Variants in FHIT observed in about 807,000 individuals in gnomAD.
FHIT encodes bis(5'-adenosyl)-triphosphatase.
FHIT carries 19 observed loss-of-function variants against 17.9 expected under a neutral mutation model. That is an observed-to-expected ratio of 1.06 (90% CI 0.74 to 1.56). The LOEUF is 1.56. Ranked by LOEUF, FHIT falls within the 40% of genes most tolerant of loss-of-function variation. The pLI, the probability that FHIT is intolerant of heterozygous loss-of-function variation, is 0.00. For missense variants in FHIT, 248 were observed against 189.2 expected (o/e 1.31, Z -1.82); for synonymous variants, 81 against 69.7 (o/e 1.16, Z -0.81).
intron 5 of FHIT, among the ~76,000 whole-genome samples, chr3:60,461,882 T>G (rs989585483): frequency 6.6e-6 from 1 of 152,144 alleles, no homozygotes; most frequent in Non-Finnish European, 1.5e-5. Context: ...AGATTGAAAT[T>G]GATTTTAAAA....
At chr3:60,682,413 A>G (rs1344935935) in intron 4 of FHIT, among the ~76,000 whole-genome samples, 5 of 152,214 alleles carry the variant, frequency 3.3e-5, no homozygotes, top group Non-Finnish European at 7.4e-5. Flanking sequence ...CTGCTAACGC[A>G]GCTGGTGACT....
At chr3:59,874,317 C>G (rs934570887) in intron 8 of FHIT, among the ~76,000 whole-genome samples, 3 of 152,152 alleles carry the variant, frequency 2.0e-5, no homozygotes, top group African/African-American at 7.2e-5. Flanking sequence ...TGCCAAGACA[C>G]CTGGTTAAAA....
chr3:60,111,903 C>T (rs1284526856), intron 5 of FHIT, among the ~76,000 whole-genome samples: 1 of 152,200 alleles, frequency 6.6e-6, no homozygotes, highest in Non-Finnish European at 1.5e-5. Context: ...TTGCCTGAAA[C>T]ACCGTTCCTT....
At chr3:60,758,001 T>G (rs1699509507) in intron 4 of FHIT, among the ~76,000 whole-genome samples, 1 of 152,106 alleles carries the variant, frequency 6.6e-6, no homozygotes, top group Admixed American at 6.6e-5. Context: ...GGCCCAGGGC[T>G]CTCTAGCTTC....
intron 2 of FHIT, among the ~76,000 whole-genome samples, chr3:61,174,959 A>G (rs1004421265): frequency 6.6e-6 from 1 of 152,192 alleles, no homozygotes; most frequent in Non-Finnish European, 1.5e-5. Flanking sequence ...AATGATCTCG[A>G]GGAAACCACA....
chr3:60,946,447 G>C (rs1351707041), intron 3 of FHIT, among the ~76,000 whole-genome samples: 2 of 152,114 alleles, frequency 1.3e-5, no homozygotes, highest in Non-Finnish European at 2.9e-5. Flanking sequence ...TACTCCCTAG[G>C]AGAGTGGTAC....
chr3:60,384,388 G>A (rs1700925220), intron 5 of FHIT, among the ~76,000 whole-genome samples: 1 of 152,078 alleles, frequency 6.6e-6, no homozygotes, highest in Non-Finnish European at 1.5e-5. Flanking sequence ...TTAAGTGGCA[G>A]CCTAATTATT....
chr3:60,354,657 C>A (rs1233428567), intron 5 of FHIT, among the ~76,000 whole-genome samples: 3 of 152,130 alleles, frequency 2.0e-5, no homozygotes, highest in Non-Finnish European at 4.4e-5. Flanking sequence ...AAAAACAATT[C>A]TATATCAAAG....
chr3:60,493,755 C>T (rs563586603), intron 5 of FHIT, among the ~76,000 whole-genome samples: 34 of 152,018 alleles, frequency 2.2e-4, no homozygotes, highest in South Asian at 8.3e-4. Flanking sequence ...ACGAGAGATA[C>T]GACTGTGTCT....
At chr3:60,164,836 T>C (rs1701096107) in intron 5 of FHIT, among the ~76,000 whole-genome samples, 1 of 152,134 alleles carries the variant, frequency 6.6e-6, no homozygotes, top group Non-Finnish European at 1.5e-5. Flanking sequence ...AGTTATTTCC[T>C]TGCCTAATTA....
At chr3:60,964,132 A>T (rs145908337) in intron 3 of FHIT, among the ~76,000 whole-genome samples, 2,800 of 152,280 alleles carry the variant, frequency 0.018, 35 homozygotes, top group Non-Finnish European at 0.029. Flanking sequence ...GGGTGCATAT[A>T]TATTTAGGAT....
chr3:60,689,525 C>G (rs2040939362), intron 4 of FHIT, among the ~76,000 whole-genome samples: 2 of 152,112 alleles, frequency 1.3e-5, no homozygotes, highest in African/African-American at 4.8e-5. Context: ...ATTTTGGTAT[C>G]TGGAAGCAAT....
intron 4 of FHIT, among the ~76,000 whole-genome samples, chr3:60,678,615 C>T (rs1279611471): frequency 6.6e-6 from 1 of 152,118 alleles, no homozygotes; most frequent in African/African-American, 2.4e-5. Context: ...TCCTGACCTT[C>T]TCAATGCAAG....
chr3:60,742,748 G>A (rs558228359), intron 4 of FHIT, among the ~76,000 whole-genome samples: 2 of 152,260 alleles, frequency 1.3e-5, no homozygotes, highest in South Asian at 4.1e-4. Flanking sequence ...CCTCAGCTCA[G>A]ACTGCCCCTG....
chr3:61,120,338 G>A (rs2036420677), intron 2 of FHIT, among the ~76,000 whole-genome samples: 2 of 152,110 alleles, frequency 1.3e-5, no homozygotes, highest in Non-Finnish European at 2.9e-5. Flanking sequence ...ACATGTCTTG[G>A]GCATGTATGT....
intron 5 of FHIT, among the ~76,000 whole-genome samples, chr3:60,048,960 C>T (rs1701764712): frequency 6.6e-6 from 1 of 152,102 alleles, no homozygotes; most frequent in Non-Finnish European, 1.5e-5. Context: ...TGTTTTAACC[C>T]TGAGTGTCTA....
At chr3:60,645,747 C>T (rs1488804164) in intron 4 of FHIT, among the ~76,000 whole-genome samples, 1 of 152,102 alleles carries the variant, frequency 6.6e-6, no homozygotes, top group African/African-American at 2.4e-5. Flanking sequence ...GTGTGTACGT[C>T]ATATTTTACT....
At chr3:60,636,917 C>A (rs1255669728) in intron 4 of FHIT, among the ~76,000 whole-genome samples, 3 of 152,104 alleles carry the variant, frequency 2.0e-5, no homozygotes, top group African/African-American at 7.2e-5. Flanking sequence ...TCTATAGAAA[C>A]CCTTGCTTTG....
At chr3:60,832,884 G>T (rs2594133) in intron 3 of FHIT, among the ~76,000 whole-genome samples, 28,384 of 152,106 alleles carry the variant, frequency 0.19, 2,853 homozygotes, top group Middle Eastern at 0.28. Context: ...AATTCAGAGT[G>T]TACTTTACAT....
Sources: gnomAD v4.1 joint callset for allele counts (sites outside exome capture counted in the v4.1 genomes callset) on GRCh38, gnomAD v4.1.1 for gene constraint, MANE v1.5 for transcripts, NCBI Gene and HGNC (gene_info 2026-07-23, HGNC 2026-07-21) for gene names.